The following ZNF469 variants were observed in gnomAD, a reference collection of about 807,000 sequenced individuals.
ZNF469 encodes the protein zinc finger protein 469.
ZNF469 carries 1 observed loss-of-function variant against 1.0 expected under a neutral mutation model. That is an observed-to-expected ratio of 1.00 (90% CI 0.35 to 4.73). The LOEUF (loss-of-function observed/expected upper bound fraction) is 4.73, where lower values mean the gene tolerates loss of function less well. Among genes scored for constraint, ZNF469 ranks in the 30% most tolerant of loss-of-function variants. The probability of loss-of-function intolerance (pLI) is 0.16; values close to 1 mark genes in which losing one functional copy is unlikely to be tolerated. For missense variants in ZNF469, 6,100 were observed against 5,356.3 expected (o/e 1.14, Z -4.33); for synonymous variants, 2,703 against 2,363.4 (o/e 1.14, Z -4.17).
the ZNF469 span, among the ~76,000 whole-genome samples, chr16:88,211,143 A>G: frequency 6.6e-6 from 1 of 152,206 alleles, no homozygotes; most frequent in Non-Finnish European, 1.5e-5. Flanking sequence ...TTATCCCTAA[A>G]TGTTTTTATC....
the ZNF469 span, among the ~76,000 whole-genome samples, chr16:88,140,473 A>AGGAAAGG: frequency 7.3e-5 from 11 of 151,346 alleles, no homozygotes; most frequent in African/African-American, 2.5e-4. Flanking sequence ...GGTAGCACGG[A>AGGAAAGG]AAGTCAGTGA....
the ZNF469 span, among the ~76,000 whole-genome samples, chr16:88,334,305 T>TA: frequency 6.6e-6 from 1 of 152,166 alleles, no homozygotes; most frequent in African/African-American, 2.4e-5. Context: ...GGATGGATGG[T>TA]AAAAAACAAC....
At position 88,435,405 on chromosome 16, in the gene ZNF469, G is replaced by A. The variant is rs189596398; in HGVS notation, c.7935G>A (p.Glu2645=). ...AGCTGAGAGGGAGAAGGCTCCGGGA[G>A]GAGAGCATTCTTCCAGTCTCTGCTG... ...RGKLRGRRLR[E]ESILPVSADV... Residue 2645 remains glutamate, a synonymous_variant, in exon 3 of 3, where the codon GAG becomes GAA. Coordinates refer to ENST00000565624, the MANE Select transcript of ZNF469 (RefSeq NM_001367624.2). The A allele has an allele frequency of 5.4e-4, 837 of 1,550,368 alleles. 3 individuals are homozygous for A. In the African/African-American group the frequency reaches 0.01, roughly 19 times the overall value.
chr16:88,104,512 G>A, the ZNF469 span, among the ~76,000 whole-genome samples: 1 of 151,998 alleles, frequency 6.6e-6, no homozygotes, highest in Non-Finnish European at 1.5e-5. Context: ...CGCTGACCCC[G>A]CCAGCCACAC....
the ZNF469 span, among the ~76,000 whole-genome samples, chr16:88,164,123 C>T: frequency 3.6e-5 from 4 of 111,548 alleles, no homozygotes; most frequent in African/African-American, 1.6e-4. Flanking sequence ...GTTGGGTAGA[C>T]GGATGGGTAG....
chr16:88,284,076 C>T, the ZNF469 span, among the ~76,000 whole-genome samples: 2 of 39,440 alleles, frequency 5.1e-5, no homozygotes, highest in African/African-American at 7.7e-5. Context: ...CCAGTGTGCC[C>T]GAGGTCTGCG....
At chr16:88,272,656 A>G in the ZNF469 span, among the ~76,000 whole-genome samples, 6 of 145,412 alleles carry the variant, frequency 4.1e-5, no homozygotes, top group South Asian at 4.4e-4. Context: ...ACGAGTGGAC[A>G]GATGAATGAA....
the ZNF469 span, among the ~76,000 whole-genome samples, chr16:88,235,562 A>C: frequency 6.6e-6 from 1 of 152,252 alleles, no homozygotes; most frequent in Non-Finnish European, 1.5e-5. Flanking sequence ...GGTTTTCAGT[A>C]GCGGGACGGG....
chr16:88,138,634 C>G, the ZNF469 span, among the ~76,000 whole-genome samples: 1 of 152,324 alleles, frequency 6.6e-6, no homozygotes, highest in Admixed American at 6.5e-5. Flanking sequence ...ACATAACAAG[C>G]CATCACCAGA....
chr16:88,315,231 G>A, the ZNF469 span, among the ~76,000 whole-genome samples: 188 of 152,316 alleles, frequency 1.2e-3, 1 homozygote, highest in South Asian at 0.018. Context: ...ACTGTGAAAC[G>A]GGCGCACGAG....
At chr16:88,291,202 C>G in the ZNF469 span, among the ~76,000 whole-genome samples, 1 of 152,166 alleles carries the variant, frequency 6.6e-6, no homozygotes, top group Non-Finnish European at 1.5e-5. Context: ...TGAGATTTCT[C>G]CAGAAGCACC....
the ZNF469 span, among the ~76,000 whole-genome samples, chr16:88,283,878 CGG>C: frequency 1.5e-5 from 2 of 133,584 alleles, no homozygotes; most frequent in African/African-American, 6.0e-5. Flanking sequence ...CCAGTGTGTC[CGG>C]AGTGCCTGAG....
the ZNF469 span, among the ~76,000 whole-genome samples, chr16:88,242,656 G>A: frequency 6.6e-6 from 1 of 152,262 alleles, no homozygotes; most frequent in Non-Finnish European, 1.5e-5. Flanking sequence ...GCTCCAGCCT[G>A]ACCACCGCCC....
the ZNF469 span, among the ~76,000 whole-genome samples, chr16:88,256,881 TTTTCTTTTCTTTCC>T: frequency 6.9e-6 from 1 of 144,162 alleles, no homozygotes; most frequent in African/African-American, 2.6e-5. Context: ...CTTTCTTTTC[TTTTCTTTTCTTTCC>T]TTCTTTCTTT....
chr16:88,431,487 C>T lies in ZNF469; in HGVS notation c.4017C>T (p.Cys1339=). 6.4e-7 allele frequency: 1 copy of T among 1,550,442 alleles called. No homozygotes were observed. The highest frequency in any genetic ancestry group is 8.7e-7 in the Non-Finnish European group (1 of 1,146,998). The change falls in exon 3 of 3, where the codon TGC becomes TGT. Residue 1339 remains cysteine (C), a synonymous_variant. Coordinates refer to ENST00000565624, the MANE Select transcript of ZNF469 (RefSeq NM_001367624.2). ...TGGCTAACCCCTCAAGTACCGCCTG[C>T]CCCAAACCCAGTGTTCTGTCTTCAA... ...APVANPSSTA[C]PKPSVLSSKI...
chr16:88,380,705 C>G (rs990086056), upstream of ZNF469, among the ~76,000 whole-genome samples: 49 of 143,436 alleles, frequency 3.4e-4, no homozygotes, highest in African/African-American at 1.0e-3. Context: ...CACTCACACT[C>G]AGACATGCAC....
chr16:88,402,562 C>CT (rs1360944080), intron 1 of ZNF469, among the ~76,000 whole-genome samples: 1 of 152,140 alleles, frequency 6.6e-6, no homozygotes, highest in Non-Finnish European at 1.5e-5. Context: ...CAGTTTCCCT[C>CT]TGTGAGTAGA....
chr16:88,375,856 G>A, the ZNF469 span, among the ~76,000 whole-genome samples: 1 of 152,242 alleles, frequency 6.6e-6, no homozygotes, highest in Non-Finnish European at 1.5e-5. Context: ...GGCTCCAGCA[G>A]CAGGTGGCAA....
chr16:88,380,385 T>A (rs1454948174), upstream of ZNF469, among the ~76,000 whole-genome samples: 20 of 103,616 alleles, frequency 1.9e-4, no homozygotes, highest in East Asian at 8.1e-4. Flanking sequence ...TCACACGCAC[T>A]CACAGACACG....
Sources: gnomAD v4.1 joint callset for allele counts (sites outside exome capture counted in the v4.1 genomes callset) on GRCh38, gnomAD v4.1.1 for gene constraint, MANE v1.5 for transcripts, NCBI Gene and HGNC (gene_info 2026-07-23, HGNC 2026-07-21) for gene names.